Variants in SLC35F3 observed in about 807,000 individuals in gnomAD.
SLC35F3 encodes the protein solute carrier family 35 member F3.
In SLC35F3, 25 loss-of-function variants were observed where a neutral mutation model predicts 49.9. The ratio of observed to expected loss-of-function variants is 0.50; its 90% CI spans 0.37 to 0.70. The LOEUF (loss-of-function observed/expected upper bound fraction) is 0.70. Ranked by LOEUF, SLC35F3 falls within the 30% of genes least tolerant of loss-of-function variation. The pLI is 0.00. For synonymous variants in SLC35F3, 275 were observed against 265.4 expected (o/e 1.04, Z -0.35); for missense variants, 525 against 639.8 (o/e 0.82, Z 1.94).
intron 3 of SLC35F3, among the ~76,000 whole-genome samples, chr1:234,283,308 C>A (rs1197124205): frequency 6.6e-6 from 1 of 152,178 alleles, no homozygotes; most frequent in Admixed American, 6.5e-5. Context: ...TTTTAACTAC[C>A]TTTCCTTCTT....
At chr1:234,153,091 G>A (rs1444738337) in intron 2 of SLC35F3, among the ~76,000 whole-genome samples, 3 of 152,106 alleles carry the variant, frequency 2.0e-5, no homozygotes, top group African/African-American at 7.2e-5. Flanking sequence ...TGTCATCCTA[G>A]GATTTTATAT....
intron 3 of SLC35F3, among the ~76,000 whole-genome samples, chr1:234,257,094 G>T (rs1667831536): frequency 6.6e-6 from 1 of 152,192 alleles, no homozygotes; most frequent in Admixed American, 6.5e-5. Flanking sequence ...ATACTTTAAT[G>T]AGGTTAATTT....
At chr1:234,159,750 G>C (rs561435149) in intron 2 of SLC35F3, among the ~76,000 whole-genome samples, 6 of 152,060 alleles carry the variant, frequency 3.9e-5, no homozygotes, top group African/African-American at 1.4e-4. Flanking sequence ...TAATTTGTAG[G>C]CAAGGGATTC....
Position 234,264,443 on chromosome 1 carries a change from T to C in SLC35F3, c.608+32702T>C, listed in dbSNP as rs561163117. 6.6e-5 allele frequency among the ~76,000 whole-genome samples: 10 copies of C among 152,336 alleles called. No individual in the cohort carries two copies. The South Asian group carries it at 2.1e-3, about 32-fold the overall frequency. On this transcript the variant is annotated intron_variant, in intron 3 of 7. Coordinates refer to ENST00000366618, the MANE Select transcript of SLC35F3 (RefSeq NM_173508.4). ...AGAGTAGTCTGTACTCTGTCTCCCT[T>C]TCTCTCTTAAACCTACACCACTATG... is the stretch of plus-strand genomic sequence containing the variant.
intron 2 of SLC35F3, among the ~76,000 whole-genome samples, chr1:234,063,954 C>A (rs1429060276): frequency 6.6e-6 from 1 of 152,160 alleles, no homozygotes; most frequent in Non-Finnish European, 1.5e-5. Flanking sequence ...ATCTGAGGGT[C>A]CAGATAGTCC....
chr1:234,256,911 G>A (rs1443797223), intron 3 of SLC35F3, among the ~76,000 whole-genome samples: 1 of 152,218 alleles, frequency 6.6e-6, no homozygotes, highest in Non-Finnish European at 1.5e-5. Context: ...TTCTCAGCCT[G>A]TCCCAGTGGC....
At chr1:233,907,053 G>C (rs2102779683) in intron 2 of SLC35F3, among the ~76,000 whole-genome samples, 1 of 152,236 alleles carries the variant, frequency 6.6e-6, no homozygotes, top group East Asian at 1.9e-4. Context: ...CCCTGGGCAT[G>C]GGATAACAAA....
At chr1:233,917,875 CT>C (rs1661997026) in intron 2 of SLC35F3, among the ~76,000 whole-genome samples, 2 of 152,190 alleles carry the variant, frequency 1.3e-5, no homozygotes, top group Admixed American at 6.5e-5. Context: ...CCAAAATACC[CT>C]GGTGAATGTG....
intron 2 of SLC35F3, among the ~76,000 whole-genome samples, chr1:234,211,184 GA>G (rs1292118851): frequency 1.3e-5 from 2 of 152,248 alleles, no homozygotes; most frequent in Admixed American, 6.5e-5. Context: ...GATTTCAGAG[GA>G]TTATGAAAAC....
intron 2 of SLC35F3, among the ~76,000 whole-genome samples, chr1:234,159,364 G>A (rs1408115745): frequency 6.6e-6 from 1 of 152,064 alleles, no homozygotes; most frequent in African/African-American, 2.4e-5. Flanking sequence ...ATCACCTGAG[G>A]TCAGGAGTTT....
chr1:234,090,596 G>C (rs1435701225), intron 2 of SLC35F3, among the ~76,000 whole-genome samples: 1 of 152,188 alleles, frequency 6.6e-6, no homozygotes, highest in East Asian at 1.9e-4. Context: ...CAGGGTTTCT[G>C]TGCAAGCATC....
Position 233,912,193 on chromosome 1 carries a change from A to G in SLC35F3, c.283+6435A>G, listed in dbSNP as rs911453395. ...GACAAGTTCACTGCTATGAGCCTCT[A>G]GTTTCGCCGTGCGCGGTGGCTCATG... On this transcript the variant is annotated intron_variant, in intron 2 of 7. Transcript: ENST00000366618. Among the ~76,000 whole-genome samples, 4 of 152,186 alleles carry G rather than the reference A, an allele frequency of 2.6e-5. No individual in the cohort carries two copies. In the East Asian group the frequency reaches 5.8e-4, roughly 22 times the overall value.
intron 2 of SLC35F3, among the ~76,000 whole-genome samples, chr1:234,173,176 G>T (rs759831769): frequency 4.5e-4 from 68 of 152,342 alleles, no homozygotes; most frequent in Non-Finnish European, 8.4e-4. Flanking sequence ...AGGTGGAGGG[G>T]CTGGAGTACG....
chr1:234,152,409 G>C (rs186812777), intron 2 of SLC35F3, among the ~76,000 whole-genome samples: 6 of 151,950 alleles, frequency 3.9e-5, no homozygotes, highest in African/African-American at 4.8e-5. Flanking sequence ...GACAGGCCCC[G>C]GTGTTCCCCT....
chr1:234,124,152 T>C (rs1665614137), intron 2 of SLC35F3, among the ~76,000 whole-genome samples: 2 of 152,162 alleles, frequency 1.3e-5, no homozygotes, highest in South Asian at 4.1e-4. Context: ...TCTTACTGGA[T>C]ACCAGCCAGA....
chr1:233,940,209 CAT>C (rs1030628675), intron 2 of SLC35F3, among the ~76,000 whole-genome samples: 1 of 152,102 alleles, frequency 6.6e-6, no homozygotes, highest in African/African-American at 2.4e-5. Context: ...CACACACACA[CAT>C]ATAAAATATT....
intron 2 of SLC35F3, among the ~76,000 whole-genome samples, chr1:234,143,369 A>G (rs1018590667): frequency 2.7e-5 from 4 of 148,798 alleles, no homozygotes; most frequent in Admixed American, 2.1e-4. Flanking sequence ...GCTCATTGCA[A>G]TCTCCGCCTT....
chr1:233,993,286 C>T (rs111798770), intron 2 of SLC35F3, among the ~76,000 whole-genome samples: 1 of 152,164 alleles, frequency 6.6e-6, no homozygotes, highest in Non-Finnish European at 1.5e-5. Context: ...TTACTGAGCT[C>T]TCAGTGAGCA....
intron 2 of SLC35F3, among the ~76,000 whole-genome samples, chr1:234,060,688 G>T (rs537291131): frequency 6.6e-6 from 1 of 152,070 alleles, no homozygotes; most frequent in Non-Finnish European, 1.5e-5. Context: ...TTGAGCTCAG[G>T]CAATCCACCT....
Sources: gnomAD v4.1 joint callset for allele counts (sites outside exome capture counted in the v4.1 genomes callset) on GRCh38, gnomAD v4.1.1 for gene constraint, MANE v1.5 for transcripts, NCBI Gene and HGNC (gene_info 2026-07-23, HGNC 2026-07-21) for gene names.